Variants in OSBPL9 observed in about 807,000 individuals in gnomAD.
OSBPL9 encodes the protein oxysterol-binding protein-related protein 9.
Under a neutral mutation model 106.6 loss-of-function variants are expected in OSBPL9, and 40 were observed. The ratio of observed to expected loss-of-function variants is 0.38; its 90% CI spans 0.29 to 0.49. The LOEUF (loss-of-function observed/expected upper bound fraction) is 0.49, where lower values mean the gene tolerates loss of function less well. OSBPL9 is among the 20% of genes least tolerant of loss of function. The pLI, the probability that OSBPL9 is intolerant of heterozygous loss-of-function variation, is 0.97. For missense variants in OSBPL9, 609 were observed against 887.2 expected (o/e 0.69, Z 3.98); for synonymous variants, 269 against 295.4 (o/e 0.91, Z 0.92).
At chr1:51,558,918 G>A in the OSBPL9 span, among the ~76,000 whole-genome samples, 1 of 152,096 alleles carries the variant, frequency 6.6e-6, no homozygotes, top group East Asian at 1.9e-4. Context: ...ATGGTAAGAG[G>A]AAAATTTTCT....
intron 2 of OSBPL9, among the ~76,000 whole-genome samples, chr1:51,609,682 G>A (rs1643972848): frequency 6.6e-6 from 1 of 151,060 alleles, no homozygotes; most frequent in Non-Finnish European, 1.5e-5. Flanking sequence ...ACTCAAATGT[G>A]TAATTCCAGC....
intron 2 of OSBPL9, among the ~76,000 whole-genome samples, chr1:51,664,445 C>T (rs565453642): frequency 4.6e-5 from 7 of 152,122 alleles, no homozygotes; most frequent in Non-Finnish European, 1.0e-4. Flanking sequence ...AATCCCAGCA[C>T]TTTGAGAGGC....
chr1:51,653,767 G>A (rs545491122), intron 2 of OSBPL9, among the ~76,000 whole-genome samples: 6 of 152,320 alleles, frequency 3.9e-5, no homozygotes, highest in African/African-American at 9.6e-5. Flanking sequence ...GAGACCGAGC[G>A]AGGCAGAGGA....
chr1:51,651,948 T>A, intron 1 of OSBPL9, 43 bp from the exon 2 acceptor site: 1 of 1,480,882 alleles, frequency 6.8e-7, no homozygotes, highest in Non-Finnish European at 9.4e-7. Flanking sequence ...AATTTACCAG[T>A]CTGTTAATGT....
chr1:51,733,784 C>CA (rs978996488), intron 4 of OSBPL9, among the ~76,000 whole-genome samples: 30 of 144,812 alleles, frequency 2.1e-4, no homozygotes, highest in Non-Finnish European at 2.4e-4. Context: ...CAAAAACAAA[C>CA]AAAAAAAAAA....
At chr1:51,786,395 A>T in intron 21 of OSBPL9, 131 bp from the exon 22 acceptor site, 1 of 618,188 alleles carries the variant, frequency 1.6e-6, no homozygotes, top group South Asian at 2.0e-5. Context: ...GATGTTATGA[A>T]ATTAACAGGA....
chr1:51,765,513 T>G (rs1411401506), intron 11 of OSBPL9: 5 of 180,404 alleles, frequency 2.8e-5, no homozygotes, highest in Non-Finnish European at 4.6e-5. Context: ...TATCTGTTGT[T>G]GGACTTGCAA....
chr1:51,779,939 G>T lies in OSBPL9; in HGVS notation c.1257-1225G>T, dbSNP rs549426630. Among the ~76,000 whole-genome samples, 6 of 152,072 alleles carry T rather than the reference G, an allele frequency of 3.9e-5. No individual in the cohort carries two copies. The South Asian group carries it at 1.2e-3, about 32-fold the overall frequency. On this transcript the variant is annotated intron_variant, in intron 15 of 23. Transcript: ENST00000428468. ...AAAAATACAAAAAAATTAGCTGGGC[G>T]TGGTGGCAGGTGCCTGTAGTCCCAG...
At chr1:51,664,396 A>G (rs1647914352) in intron 2 of OSBPL9, among the ~76,000 whole-genome samples, 1 of 152,190 alleles carries the variant, frequency 6.6e-6, no homozygotes, top group South Asian at 2.1e-4. Flanking sequence ...ATTTGTATAC[A>G]ATTCAAAGAC....
chr1:51,596,362 C>T (rs1404128918), intron 1 of OSBPL9, among the ~76,000 whole-genome samples: 1 of 150,814 alleles, frequency 6.6e-6, no homozygotes, highest in Non-Finnish European at 1.5e-5. Context: ...GAGTACAACA[C>T]CAGCCTGACC....
intron 4 of OSBPL9, among the ~76,000 whole-genome samples, chr1:51,742,582 A>C (rs958142487): frequency 2.6e-5 from 4 of 151,814 alleles, no homozygotes; most frequent in Admixed American, 6.6e-5. Flanking sequence ...AAGTAAAATA[A>C]AAAATTATCT....
intron 2 of OSBPL9, among the ~76,000 whole-genome samples, chr1:51,657,786 G>T (rs184576792): frequency 1.5e-4 from 23 of 152,202 alleles, no homozygotes; most frequent in Non-Finnish European, 2.9e-4. Flanking sequence ...CTGGAAAATG[G>T]AGACATGACA....
chr1:51,618,340 T>A (rs1644213312), intron 1 of OSBPL9, among the ~76,000 whole-genome samples: 1 of 152,086 alleles, frequency 6.6e-6, no homozygotes, highest in Non-Finnish European at 1.5e-5. Context: ...GTTTTGACTA[T>A]CCCCTCCACC....
In OSBPL9 at chr1:51,578,102, T is replaced by A. The variant is rs372484296; in HGVS notation, c.-423+846T>A. Among the ~76,000 whole-genome samples, 5 of 152,340 alleles carry A rather than the reference T, an allele frequency of 3.3e-5. No individual in the cohort carries two copies. The East Asian group carries it at 9.6e-4, about 29-fold the overall frequency. ...CTGCTGACCGTTGTGTGCCAGTATT[T>A]AGCACAGAGTAATAACGAAAAATAT... is the stretch of plus-strand genomic sequence containing the variant. On this transcript the variant is annotated intron_variant, in intron 1 of 25. Transcript: ENST00000371714.
chr1:51,738,222 T>A (rs1215999305), intron 4 of OSBPL9, among the ~76,000 whole-genome samples: 1 of 152,006 alleles, frequency 6.6e-6, no homozygotes, highest in East Asian at 1.9e-4. Flanking sequence ...GTTCTATAAG[T>A]CAAAGGGTGT....
intron 1 of OSBPL9, among the ~76,000 whole-genome samples, chr1:51,635,287 T>C (rs892040128): frequency 1.3e-5 from 2 of 151,866 alleles, no homozygotes; most frequent in Non-Finnish European, 2.9e-5. Context: ...ATAGACCCCA[T>C]CTGTATTAAA....
At chr1:51,641,399 G>C (rs531443255) in intron 1 of OSBPL9, among the ~76,000 whole-genome samples, 1 of 152,228 alleles carries the variant, frequency 6.6e-6, no homozygotes, top group East Asian at 1.9e-4. Context: ...TATGAACTTT[G>C]TGGGGATGTA....
chr1:51,616,002 G>GTTTTT (rs1644045035), upstream of OSBPL9, among the ~76,000 whole-genome samples: 2 of 130,402 alleles, frequency 1.5e-5, no homozygotes, highest in African/African-American at 6.2e-5. Context: ...TAAATCCTTT[G>GTTTTT]GTTTTTTTTT....
Position 51,716,165 on chromosome 1 carries a change from A to G in OSBPL9, c.318+2086A>G, listed in dbSNP as rs564513739. On this transcript the variant is annotated intron_variant, in intron 4 of 23. Coordinates refer to ENST00000428468, the MANE Select transcript of OSBPL9 (RefSeq NM_024586.6). ...TAATAGCTTTGATATTTAAAAGTAC[A>G]TGTAATACAAGAGGTTTTTTTCCTA... is the stretch of plus-strand genomic sequence containing the variant. Among the ~76,000 whole-genome samples the G allele has an allele frequency of 3.3e-5, 5 of 152,380 alleles. No individual in the cohort carries two copies. The South Asian group carries it at 8.3e-4, about 25-fold the overall frequency.
Sources: gnomAD v4.1 joint callset for allele counts (sites outside exome capture counted in the v4.1 genomes callset) on GRCh38, gnomAD v4.1.1 for gene constraint, MANE v1.5 for transcripts, NCBI Gene and HGNC (gene_info 2026-07-23, HGNC 2026-07-21) for gene names.